The following FAAP24 variants were observed in gnomAD, a reference collection of about 807,000 sequenced individuals.
FAAP24 encodes the protein Fanconi anemia core complex-associated protein 24.
A neutral mutation model predicts 14.3 loss-of-function variants in FAAP24; 16 were observed. The ratio of observed to expected loss-of-function variants is 1.12; its 90% confidence interval spans 0.76 to 1.69. The LOEUF (loss-of-function observed/expected upper bound fraction) is 1.69. Among genes scored for constraint, FAAP24 ranks in the 40% most tolerant of loss-of-function variants. The pLI is 0.00. For synonymous variants in FAAP24, 111 were observed against 106.2 expected (o/e 1.04, Z -0.28); for missense variants, 234 against 262.7 (o/e 0.89, Z 0.75).
chr19:32,972,994 A>G (rs751963547), intron 1 of FAAP24, among the ~76,000 whole-genome samples, 190 bp from the exon 2 acceptor site: 37 of 152,210 alleles, frequency 2.4e-4, no homozygotes, highest in Middle Eastern at 3.4e-3. Flanking sequence ...CTGGGATTAC[A>G]GGTGTGAGCC....
rs944702100 is a variant in FAAP24 at position 32,978,222 on chromosome 19, C to T, written c.*1540C>T. On this transcript the variant is annotated 3_prime_UTR_variant, in exon 5 of 5. Transcript: ENST00000588258. ...GCAACATGGCAAGACCCCATCTCTACAAAAAAATCAAAAAAATTAGCCAGG... is the reference window on the plus strand; with the variant it reads ...GCAACATGGCAAGACCCCATCTCTATAAAAAAATCAAAAAAATTAGCCAGG... The T allele has an allele frequency of 6.6e-6, 1 of 151,702 alleles. No individual in the cohort carries two copies. The highest frequency in any genetic ancestry group is 2.4e-5 in the African/African-American group (1 of 41,202). The allele number at this position is 151,702 out of a possible 1,614,324, so 9.4% of individuals were successfully genotyped here.
rs928703079 is a variant in FAAP24, at chr19:32,976,592, A to G, written c.558A>G (p.Gln186=). 6.2e-7 allele frequency: 1 copy of G among 1,614,186 alleles called. No homozygotes were observed. The highest frequency in any genetic ancestry group is 8.5e-7 in the Non-Finnish European group (1 of 1,180,036). The change falls in exon 5 of 5, where the codon CAA becomes CAG. Residue 186 remains glutamine (Q), a synonymous_variant. Coordinates refer to ENST00000588258, the MANE Select transcript of FAAP24 (RefSeq NM_152266.5). ...LLLQKFPSIQ[Q]LSNASIGELE... is the part of the protein sequence containing the mutation. ...TCCAGAAGTTTCCAAGCATCCAGCA[A>G]CTGAGTAATGCTTCCATTGGGGAAC...
intron 3 of FAAP24, 110 bp downstream of exon 3, chr19:32,973,672 T>C (rs1479827365): frequency 2.6e-6 from 3 of 1,135,928 alleles, no homozygotes; most frequent in Non-Finnish European, 3.8e-6. Context: ...CTGGCCAACA[T>C]GGTGAAACCC....
At chr19:32,976,106 G>C (rs924820039) in intron 4 of FAAP24, among the ~76,000 whole-genome samples, 1 of 152,202 alleles carries the variant, frequency 6.6e-6, no homozygotes, top group Non-Finnish European at 1.5e-5. Context: ...AGTAGGCCTA[G>C]TTTAGGTGTA....
chr19:32,975,165 C>A (rs1011183455), intron 4 of FAAP24, among the ~76,000 whole-genome samples: 1 of 150,842 alleles, frequency 6.6e-6, no homozygotes, highest in African/African-American at 2.4e-5. Flanking sequence ...AGCCACCATG[C>A]CTGGGCAGTT....
In FAAP24 at chr19:32,973,283, G is replaced by A; in HGVS notation, c.87G>A (p.Gln29=). 3.1e-6 allele frequency: 5 copies of A among 1,614,164 alleles called. No individual in the cohort carries two copies. The East Asian group carries it at 1.1e-4, about 36-fold the overall frequency. ...IVANEKWRGS[Q]LAQEMQGKIK... ...CCAATGAGAAATGGCGCGGGTCACAGCTGGCGCAGGAGATGCAAGGTCGGT... is the reference window on the plus strand; with the variant it reads ...CCAATGAGAAATGGCGCGGGTCACAACTGGCGCAGGAGATGCAAGGTCGGT... The change falls in exon 2 of 5, where the codon CAG becomes CAA. Residue 29 remains glutamine, a synonymous_variant. Coordinates refer to ENST00000588258, the MANE Select transcript of FAAP24 (RefSeq NM_152266.5).
At chr19:32,976,026 C>T (rs7258303) in intron 4 of FAAP24, among the ~76,000 whole-genome samples, 12,075 of 152,214 alleles carry the variant, frequency 0.079, 715 homozygotes, top group African/African-American at 0.16. Context: ...CTGTTGTCTG[C>T]CTTAGTATAA....
intron 3 of FAAP24, 102 bp downstream of exon 3, chr19:32,973,664 G>A (rs1971477011): frequency 8.2e-7 from 1 of 1,222,738 alleles, no homozygotes; most frequent in Admixed American, 2.1e-5. Flanking sequence ...AGACCAGCCT[G>A]GCCAACATGG....
chr19:32,976,360 A>G (rs1971515478), intron 4 of FAAP24, 71 bp from the exon 5 acceptor site: 24 of 1,526,750 alleles, frequency 1.6e-5, no homozygotes, highest in Non-Finnish European at 2.0e-5. Context: ...CAATTTCTAC[A>G]AAACATATTT....
intron 1 of FAAP24, among the ~76,000 whole-genome samples, chr19:32,972,970 G>A (rs548723570): frequency 1.3e-5 from 2 of 151,846 alleles, no homozygotes; most frequent in South Asian, 4.2e-4. Context: ...CGCCTCGCTC[G>A]GCCTCCCAAA....
chr19:32,974,067 A>G lies in FAAP24; in HGVS notation c.251A>G (p.Asn84Ser), dbSNP rs374053629. 3 of 1,612,802 alleles carry G rather than the reference A, an allele frequency of 1.9e-6. No individual in the cohort carries two copies. Among genetic ancestry groups the G allele is most frequent in the Non-Finnish European group, 2.5e-6 (3 of 1,179,786 alleles). ...KRLVRVRNSNNLKGIVVVEKT... is the reference protein window; with the variant it reads ...KRLVRVRNSNSLKGIVVVEKT... ...GTCTTTTTTCCTTTCAAGTCCAATA[A>G]TCTTAAAGGAATTGTAGTCGTTGAA... The change falls in exon 4 of 5, where the codon AAT (asparagine) becomes AGT (serine). Residue 84 changes from asparagine (N) to serine (S), a missense_variant. Coordinates refer to ENST00000588258, the MANE Select transcript of FAAP24 (RefSeq NM_152266.5).
Position 32,977,067 on chromosome 19 carries a change from AAG to A in FAAP24, c.*387_*388del. On this transcript the variant is annotated 3_prime_UTR_variant, in exon 5 of 5. Coordinates refer to ENST00000588258, the MANE Select transcript of FAAP24 (RefSeq NM_152266.5). ...AAGAAAACAACAAAAAAAAAAAAAA[AAG>A]AAAAAGGATTTTCTCCAGCAGCAAC... 1 of 405,916 alleles carries A rather than the reference AAG, an allele frequency of 2.5e-6. No individual in the cohort carries two copies. Among genetic ancestry groups the A allele is most frequent in the Non-Finnish European group, 4.3e-6 (1 of 230,270 alleles). 25.1% of individuals were successfully genotyped at this position (405,916 alleles called of 1,614,324 possible).
chr19:32,972,710 C>CTTTTTT lies in FAAP24; in HGVS notation c.-14+368_-14+369insTTTTTT, dbSNP rs377681596. ...ATTCAGGCCTTTGTGTTTTCTTTTT[C>CTTTTTT]TTTTCTTTTTTTTTTTTTTTTTTGA... is the stretch of plus-strand genomic sequence containing the variant. On this transcript the variant is annotated intron_variant, in intron 1 of 4. Coordinates refer to ENST00000588258, the MANE Select transcript of FAAP24 (RefSeq NM_152266.5). Among the ~76,000 whole-genome samples, 92 of 128,554 alleles carry CTTTTTT rather than the reference C, an allele frequency of 7.2e-4. 2 individuals are homozygous for CTTTTTT. Among genetic ancestry groups the CTTTTTT allele is most frequent in the African/African-American group, 1.4e-3 (46 of 32,722 alleles). The allele number at this position is 128,554 out of a possible 152,430, so 84.3% of individuals were successfully genotyped here.
chr19:32,976,036 A>T (rs1246154851), intron 4 of FAAP24, among the ~76,000 whole-genome samples: 1 of 152,168 alleles, frequency 6.6e-6, no homozygotes, highest in African/African-American at 2.4e-5. Context: ...CCTTAGTATA[A>T]CCACCACTAA....
Position 32,977,226 on chromosome 19 carries a change from G to A in FAAP24, c.*544G>A. 1 of 399,560 alleles carries A rather than the reference G, an allele frequency of 2.5e-6. No homozygotes were observed. Among genetic ancestry groups the A allele is most frequent in the Non-Finnish European group, 4.4e-6 (1 of 226,734 alleles). The allele number at this position is 399,560 out of a possible 1,614,324, so 24.8% of individuals were successfully genotyped here. On this transcript the variant is annotated 3_prime_UTR_variant, in exon 5 of 5. Coordinates refer to ENST00000588258, the MANE Select transcript of FAAP24 (RefSeq NM_152266.5). ...CTGCTAAGACGAAAAGGGCTGGTGG[G>A]ATCTTCGCAAGAGAGTCAGGGACTC...
intron 4 of FAAP24, 39 bp downstream of exon 4, chr19:32,974,251 C>T: frequency 6.4e-7 from 1 of 1,574,504 alleles, no homozygotes. Context: ...TAGTCCTGTC[C>T]TCATGGACAC....
chr19:32,973,162 C>T (rs757360824), intron 1 of FAAP24, 22 bp from the exon 2 acceptor site: 38 of 1,600,134 alleles, frequency 2.4e-5, no homozygotes, highest in Admixed American at 3.4e-5. Context: ...GCTCAAGTGC[C>T]GCCTGGCTTT....
Position 32,977,575 on chromosome 19 carries a change from C to T in FAAP24, c.*893C>T. The T allele has an allele frequency of 2.5e-6, 1 of 396,840 alleles. No homozygotes were observed. The highest frequency in any genetic ancestry group is 4.4e-6 in the Non-Finnish European group (1 of 225,680). 24.6% of individuals were successfully genotyped at this position (396,840 alleles called of 1,614,324 possible). A position where few individuals can be genotyped will look rare whatever the true frequency, so the allele number is the denominator to read the frequency against. On this transcript the variant is annotated 3_prime_UTR_variant, in exon 5 of 5. Coordinates refer to ENST00000588258, the MANE Select transcript of FAAP24 (RefSeq NM_152266.5). Reference sequence around the variant, plus strand: ...ATGTACAGTTTGTTTATAATCACTGCATATGTCTTCTGCACACAGAAAGTA... The same window carrying T: ...ATGTACAGTTTGTTTATAATCACTGTATATGTCTTCTGCACACAGAAAGTA...
Position 32,973,563 on chromosome 19 carries a change from G to C in FAAP24, c.243+1G>C, listed in dbSNP as rs764408312. 9.9e-6 allele frequency: 16 copies of C among 1,613,848 alleles called. No individual in the cohort carries two copies. Among genetic ancestry groups the C allele is most frequent in the Non-Finnish European group, 1.3e-5 (15 of 1,179,888 alleles). On this transcript the variant is annotated splice_donor_variant, in intron 3 of 4. Transcript: ENST00000588258. LOFTEE classifies it high-confidence loss of function. ...AAAGAGGCTTGTTCGGGTTAGAAATGTAAGTATTAGGCTGGGTGCTGTGGC... is the reference window on the plus strand; with the variant it reads ...AAAGAGGCTTGTTCGGGTTAGAAATCTAAGTATTAGGCTGGGTGCTGTGGC...
Sources: allele counts gnomAD v4.1 joint callset (sites outside exome capture counted in the v4.1 genomes callset), GRCh38; gene constraint gnomAD v4.1.1; transcripts MANE v1.5; gene names NCBI Gene and HGNC (gene_info 2026-07-23, HGNC 2026-07-21).